The following AIFM1 variants were observed in gnomAD, a reference collection of about 807,000 sequenced individuals.
AIFM1 encodes the protein apoptosis inducing factor mitochondria associated 1, also known as apoptosis-inducing factor 1, mitochondrial.
A neutral mutation model predicts 51.7 loss-of-function variants in AIFM1; 3 were observed. The observed-to-expected ratio is 0.06, with a 90% CI of 0.03 to 0.15. The LOEUF is 0.15. Ranked by LOEUF, AIFM1 falls within the 10% of genes least tolerant of loss-of-function variation. AIFM1 has a pLI of 1.00. For missense variants in AIFM1, 330 were observed against 476.8 expected (o/e 0.69, Z 2.87); for synonymous variants, 178 against 179.4 (o/e 0.99, Z 0.06).
At chrX:130,131,478 T>A (rs2030076881) in intron 14 of AIFM1, among the ~76,000 whole-genome samples, 197 bp downstream of exon 14, 1 of 112,225 alleles carries the variant, frequency 8.9e-6, no homozygotes, top group Non-Finnish European at 1.9e-5. Context: ...AATCTATGCT[T>A]TGACCAGGAT....
chrX:130,150,941 G>GCAC (rs1442671944), intron 2 of AIFM1, among the ~76,000 whole-genome samples: 10 of 86,802 alleles, frequency 1.2e-4, no homozygotes, highest in African/African-American at 4.4e-4. Flanking sequence ...TCACATCACT[G>GCAC]CACTCCAGCC....
At chrX:130,139,717 G>T in intron 8 of AIFM1, 78 bp downstream of exon 8, 1 of 968,440 alleles carries the variant, frequency 1.0e-6, no homozygotes, top group Non-Finnish European at 1.5e-6. Context: ...CCCAAGTCCC[G>T]GGTGGGCACT....
In AIFM1 at chrX:130,136,679, A is replaced by G; in HGVS notation, c.1128T>C (p.Ser376=). ...CTTTCAGCTTGATAAGTAACTTGCCACTGCTGACTCCAACGGATTGCACAA... is the reference window on the plus strand; with the variant it reads ...CTTTCAGCTTGATAAGTAACTTGCCGCTGCTGACTCCAACGGATTGCACAA... The part of the protein sequence containing the change: ...NAIVQSVGVS[S]GKLLIKLKDG... Residue 376 remains serine (S), a synonymous_variant, in exon 11 of 16, where the codon AGT becomes AGC. Coordinates refer to ENST00000287295, the MANE Select transcript of AIFM1 (RefSeq NM_004208.4). 1 of 1,210,529 alleles carries G rather than the reference A, an allele frequency of 8.3e-7. No individual in the cohort carries two copies. The highest frequency in any genetic ancestry group is 1.8e-5 in the South Asian group (1 of 56,934).
intron 9 of AIFM1, among the ~76,000 whole-genome samples, chrX:130,138,230 C>T (rs2030434906): frequency 9.0e-6 from 1 of 111,454 alleles, no homozygotes; most frequent in African/African-American, 3.3e-5. Flanking sequence ...CTTTGGGAGG[C>T]CAAGGTGGGC....
chrX:130,130,289 T>A, intron 14 of AIFM1, 123 bp from the exon 15 acceptor site: 1 of 788,783 alleles, frequency 1.3e-6, no homozygotes, highest in Non-Finnish European at 1.9e-6. Context: ...TTCTAGAGGA[T>A]TTATTTCTCT....
Position 130,131,676 on chromosome X carries a change from T to C in AIFM1, c.1572A>G (p.Ser524=). Reference sequence around the variant, plus strand: ...AGAGGAGTGCTAGGACTTTCTTACCTGACTGCTCTGTGGCAGATTTGGGGT... The same window carrying C: ...AGAGGAGTGCTAGGACTTTCTTACCCGACTGCTCTGTGGCAGATTTGGGGT... ...QDNPKSATEQ[S]GTGIRSESET... The change falls in exon 14 of 16, where the codon TCA becomes TCG. Residue 524 remains serine, a splice_region_variant and synonymous_variant. Transcript: ENST00000287295. 1 of 1,212,097 alleles carries C rather than the reference T, an allele frequency of 8.3e-7. No individual in the cohort carries two copies. The highest frequency in any genetic ancestry group is 1.1e-6 in the Non-Finnish European group (1 of 895,563).
At position 130,129,621 on chromosome X, in the gene AIFM1, T is replaced by C; in HGVS notation, c.1778A>G (p.Lys593Arg). The C allele has an allele frequency of 8.3e-7, 1 of 1,208,627 alleles. No homozygotes were observed. Among genetic ancestry groups the C allele is most frequent in the Non-Finnish European group, 1.1e-6 (1 of 892,620 alleles). The change falls in exon 16 of 16, where the codon AAG becomes AGG. Residue 593 changes from lysine to arginine, a missense_variant. Lys to Arg is a conservative substitution (Grantham distance 26, BLOSUM62 2). Coordinates refer to ENST00000287295, the MANE Select transcript of AIFM1 (RefSeq NM_004208.4). ...GAGATCTTCATGCTGCTCACCGTCC[T>C]TAATGATCTGAGGGAGAGAGAGTAA... ...NRMPIARKII[K>R]DGEQHEDLNE...
At chrX:130,162,106 C>T (rs2031371816) in intron 1 of AIFM1, among the ~76,000 whole-genome samples, 1 of 111,964 alleles carries the variant, frequency 8.9e-6, no homozygotes, top group African/African-American at 3.2e-5. Flanking sequence ...GAGAATTTAC[C>T]ATGTGCCAGA....
At chrX:130,154,242 A>C (rs1465147498) in intron 2 of AIFM1, among the ~76,000 whole-genome samples, 4 of 112,126 alleles carry the variant, frequency 3.6e-5, no homozygotes, top group Non-Finnish European at 7.5e-5. Flanking sequence ...TTTCTAAGGC[A>C]GGAGAAAGGA....
chrX:130,141,116 A>AAAAAC (rs747792361), intron 6 of AIFM1, among the ~76,000 whole-genome samples: 4 of 112,154 alleles, frequency 3.6e-5, no homozygotes, highest in Non-Finnish European at 5.6e-5. Context: ...ATTCTGTCTC[A>AAAAAC]AAAACAAAAC....
intron 11 of AIFM1, 33 bp from the exon 12 acceptor site, chrX:130,136,218 CCA>C (rs768616371): frequency 8.3e-7 from 1 of 1,206,456 alleles, no homozygotes; most frequent in Non-Finnish European, 1.1e-6. Flanking sequence ...CAGTCAATTA[CCA>C]CAGTTTCCAT....
At chrX:130,135,854 T>TAGCTTGCAG (rs893481309) in intron 12 of AIFM1, among the ~76,000 whole-genome samples, 191 bp downstream of exon 12, 1 of 111,648 alleles carries the variant, frequency 9.0e-6, no homozygotes, top group African/African-American at 3.3e-5. Context: ...CATCTGCCAC[T>TAGCTTGCAG]AGCTTGCAGA....
intron 3 of AIFM1, 62 bp downstream of exon 3, chrX:130,149,407 A>C (rs1336843309): frequency 4.1e-6 from 4 of 967,390 alleles, no homozygotes; most frequent in Non-Finnish European, 5.9e-6. Context: ...ACAGCACCCA[A>C]ACTGTTTATA....
chrX:130,146,849 G>A (rs1269684424), intron 5 of AIFM1, among the ~76,000 whole-genome samples: 7 of 111,987 alleles, frequency 6.3e-5, no homozygotes, highest in Non-Finnish European at 3.8e-5. Context: ...TGCTCTTGTA[G>A]GACATGTCTA....
chrX:130,137,045 T>TA (rs1245098464), intron 10 of AIFM1, 33 bp downstream of exon 10: 1 of 1,208,909 alleles, frequency 8.3e-7, no homozygotes, highest in African/African-American at 1.8e-5. Context: ...TCAAAGGAAA[T>TA]AGAGTGGCAG....
At chrX:130,137,580 A>G in intron 9 of AIFM1, 1 of 1,154,826 alleles carries the variant, frequency 8.7e-7, no homozygotes, top group Non-Finnish European at 1.2e-6. Flanking sequence ...ACTGGAGCTC[A>G]CAGATCTCTC....
intron 2 of AIFM1, among the ~76,000 whole-genome samples, chrX:130,151,557 CGTT>C (rs1170097873): frequency 8.9e-6 from 1 of 111,943 alleles, no homozygotes; most frequent in African/African-American, 3.3e-5. Flanking sequence ...AAGCATTTAA[CGTT>C]GTGACAAATG....
chrX:130,139,955 G>T, intron 7 of AIFM1, 84 bp from the exon 8 acceptor site: 1 of 838,859 alleles, frequency 1.2e-6, no homozygotes, highest in Non-Finnish European at 1.8e-6. Flanking sequence ...CAAAGGTGGA[G>T]CCCTCTTCAC....
At chrX:130,156,226 A>T in intron 2 of AIFM1, among the ~76,000 whole-genome samples, 1 of 112,262 alleles carries the variant, frequency 8.9e-6, no homozygotes, top group Non-Finnish European at 1.9e-5. Context: ...TCAAGTAAAG[A>T]AGAAAAAGAC....
Sources: allele counts gnomAD v4.1 joint callset (sites outside exome capture counted in the v4.1 genomes callset), GRCh38; gene constraint gnomAD v4.1.1; transcripts MANE v1.5; gene names NCBI Gene and HGNC (gene_info 2026-07-23, HGNC 2026-07-21).